The following SLC14A2 variants were observed in gnomAD, a reference collection of about 807,000 sequenced individuals.
SLC14A2 encodes urea transporter 2.
A neutral mutation model predicts 104.6 loss-of-function variants in SLC14A2; 91 were observed. The observed-to-expected ratio is 0.87, with a 90% confidence interval of 0.73 to 1.04. The LOEUF (loss-of-function observed/expected upper bound fraction) is 1.04, where lower values mean the gene tolerates loss of function less well. Ranked by LOEUF, SLC14A2 falls within the 50% of genes least tolerant of loss-of-function variation. The pLI, the probability that SLC14A2 is intolerant of heterozygous loss-of-function variation, is 0.00. For synonymous variants in SLC14A2, 476 were observed against 466.4 expected, an observed-to-expected ratio of 1.02 and a Z score of -0.27; for missense variants, 1,189 against 1,156.0, an observed-to-expected ratio of 1.03 and a Z score of -0.41.
chr18:45,667,902 AC>A lies in SLC14A2; in HGVS notation c.1792del (p.Leu598SerfsTer30). ...RGTSQVMFVN[N>X]PLSGILIILG... ...ACATCTCAAGTGATGTTTGTGAACA[AC>A]CCCCTCAGCGGCATCCTCATCATCC... is the stretch of plus-strand genomic sequence containing the variant. On this transcript the variant is annotated frameshift_variant, in exon 14 of 20. Coordinates refer to ENST00000255226, the MANE Select transcript of SLC14A2 (RefSeq NM_007163.4). LOFTEE classifies it high-confidence loss of function. 1 of 1,613,440 alleles carries A rather than the reference AC, an allele frequency of 6.2e-7. No individual in the cohort carries two copies. The highest frequency in any genetic ancestry group is 8.5e-7 in the Non-Finnish European group (1 of 1,179,842).
chr18:45,670,387 C>T (rs1157105705), intron 16 of SLC14A2, among the ~76,000 whole-genome samples: 1 of 152,118 alleles, frequency 6.6e-6, no homozygotes, highest in African/African-American at 2.4e-5. Context: ...TAGCCAGCCA[C>T]CTTATCTAAC....
At chr18:45,639,535 C>T (rs1029101808) in intron 6 of SLC14A2, among the ~76,000 whole-genome samples, 2 of 152,112 alleles carry the variant, frequency 1.3e-5, no homozygotes, top group African/African-American at 4.8e-5. Context: ...CCTGGCTTTG[C>T]ATGAGGGATG....
chr18:45,420,271 G>T (rs558752081), intron 1 of SLC14A2, among the ~76,000 whole-genome samples: 108 of 152,350 alleles, frequency 7.1e-4, no homozygotes, highest in African/African-American at 2.5e-3. Context: ...CTCAGAGTGA[G>T]TTATTCAAGA....
intron 4 of SLC14A2, among the ~76,000 whole-genome samples, chr18:45,630,759 T>C (rs2045330949): frequency 6.6e-6 from 1 of 152,162 alleles, no homozygotes; most frequent in Non-Finnish European, 1.5e-5. Flanking sequence ...TCCCCAGTGG[T>C]CTTCTCTGCC....
At chr18:45,620,644 A>AT (rs376773880) in intron 1 of SLC14A2, among the ~76,000 whole-genome samples, 21 of 151,240 alleles carry the variant, frequency 1.4e-4, no homozygotes, top group East Asian at 3.9e-4. Context: ...AAGTAGACAC[A>AT]TTTTTTTTTC....
intron 1 of SLC14A2, among the ~76,000 whole-genome samples, chr18:45,336,967 A>G (rs1335224567): frequency 1.3e-5 from 2 of 151,532 alleles, no homozygotes; most frequent in African/African-American, 4.9e-5. Context: ...AGGGGAATAC[A>G]TTTCCACACT....
intron 1 of SLC14A2, among the ~76,000 whole-genome samples, chr18:45,361,658 T>G (rs1267334025): frequency 2.0e-5 from 3 of 152,128 alleles, no homozygotes; most frequent in Non-Finnish European, 4.4e-5. Context: ...AGGGACACTG[T>G]GGGGGCATAA....
At chr18:45,495,603 G>A (rs1332674407) in intron 2 of SLC14A2, among the ~76,000 whole-genome samples, 1 of 152,194 alleles carries the variant, frequency 6.6e-6, no homozygotes, top group Non-Finnish European at 1.5e-5. Flanking sequence ...CTATGAGACA[G>A]TGTCCTCTTG....
chr18:45,204,810 TAAAAAAA>T, the SLC14A2 span, among the ~76,000 whole-genome samples: 1 of 138,232 alleles, frequency 7.2e-6, no homozygotes, highest in South Asian at 2.4e-4. Flanking sequence ...ATCACTGAGA[TAAAAAAA>T]AAAAAAAAAA....
chr18:45,285,667 C>CA (rs1307955537), intron 1 of SLC14A2, among the ~76,000 whole-genome samples: 1 of 93,226 alleles, frequency 1.1e-5, no homozygotes, highest in Non-Finnish European at 1.9e-5. Flanking sequence ...ATCTGCCCCC[C>CA]CCCCCCCTCG....
chr18:45,517,192 C>T (rs936705739), intron 2 of SLC14A2, among the ~76,000 whole-genome samples: 11 of 152,346 alleles, frequency 7.2e-5, no homozygotes, highest in Admixed American at 7.2e-4. Context: ...GCTTTTCCCA[C>T]AGATTCATCT....
intron 1 of SLC14A2, among the ~76,000 whole-genome samples, chr18:45,310,685 C>T (rs910430400): frequency 3.3e-5 from 5 of 152,168 alleles, no homozygotes; most frequent in Admixed American, 2.0e-4. Context: ...GTGCTGCTTT[C>T]GGAGATGTAA....
chr18:45,291,798 G>A (rs139043502), intron 1 of SLC14A2, among the ~76,000 whole-genome samples: 96 of 150,188 alleles, frequency 6.4e-4, no homozygotes, highest in African/African-American at 2.1e-3. Flanking sequence ...TCGAATTGTC[G>A]TTGTGCTATT....
intron 1 of SLC14A2, among the ~76,000 whole-genome samples, chr18:45,248,063 A>G (rs2084384511): frequency 6.6e-6 from 1 of 152,104 alleles, no homozygotes; most frequent in African/African-American, 2.4e-5. Flanking sequence ...TGAGGTTCTG[A>G]GAGTATATGT....
intron 2 of SLC14A2, among the ~76,000 whole-genome samples, chr18:45,522,454 C>T (rs780033469): frequency 6.6e-6 from 1 of 152,174 alleles, no homozygotes; most frequent in African/African-American, 2.4e-5. Context: ...GGCACCATCC[C>T]TCAGTCCCTG....
chr18:45,512,807 T>C (rs886066538), intron 2 of SLC14A2, among the ~76,000 whole-genome samples: 37 of 152,190 alleles, frequency 2.4e-4, no homozygotes, highest in Middle Eastern at 3.4e-3. Context: ...CATTACTGGA[T>C]TGGGGGGAGC....
At chr18:45,384,571 T>A (rs1447135436) in intron 1 of SLC14A2, among the ~76,000 whole-genome samples, 1 of 152,184 alleles carries the variant, frequency 6.6e-6, no homozygotes, top group Admixed American at 6.5e-5. Context: ...AAGGGATTTA[T>A]GATCTAATGT....
At chr18:45,389,106 G>T (rs1416290715) in intron 1 of SLC14A2, among the ~76,000 whole-genome samples, 1 of 152,142 alleles carries the variant, frequency 6.6e-6, no homozygotes, top group Non-Finnish European at 1.5e-5. Context: ...TGACACCTGT[G>T]CAAGCCCTGG....
At chr18:45,192,812 A>G in the SLC14A2 span, among the ~76,000 whole-genome samples, 1 of 152,006 alleles carries the variant, frequency 6.6e-6, no homozygotes, top group African/African-American at 2.4e-5. Flanking sequence ...ATGTGCCACC[A>G]GGCCCAGCTA....
Sources: gnomAD v4.1 joint callset for allele counts (sites outside exome capture counted in the v4.1 genomes callset) on GRCh38, gnomAD v4.1.1 for gene constraint, MANE v1.5 for transcripts, NCBI Gene and HGNC (gene_info 2026-07-23, HGNC 2026-07-21) for gene names.